CLEC2A: variants seen among roughly 807,000 people sequenced by gnomAD.
CLEC2A encodes the protein C-type lectin domain family 2 member A, also known as keratinocyte-associated C-type lectin.
Under a neutral mutation model 18.6 loss-of-function variants are expected in CLEC2A, and 19 were observed. That is an observed-to-expected ratio of 1.02 (90% CI 0.71 to 1.50). The LOEUF (loss-of-function observed/expected upper bound fraction) is 1.50, where lower values mean the gene tolerates loss of function less well. Ranked by LOEUF, CLEC2A falls within the 40% of genes most tolerant of loss-of-function variation. CLEC2A has a pLI of 0.00. For missense variants in CLEC2A, 190 were observed against 207.9 expected (o/e 0.91, Z 0.53); for synonymous variants, 74 against 64.0 (o/e 1.16, Z -0.75).
chr12:9,895,820 C>A (rs1591780863), downstream of CLEC2A: 4 of 1,532,460 alleles, frequency 2.6e-6, no homozygotes, highest in Admixed American at 2.0e-5. Flanking sequence ...CACAATGGAA[C>A]CAGTGGTGTG....
downstream of CLEC2A, among the ~76,000 whole-genome samples, chr12:9,910,255 G>A (rs1216945076): frequency 1.3e-5 from 2 of 152,080 alleles, no homozygotes. Flanking sequence ...TAATCCCTAG[G>A]CAACTATCAG....
At chr12:9,900,124 T>C (rs1188696220) in intron 4 of CLEC2A, among the ~76,000 whole-genome samples, 8 of 152,166 alleles carry the variant, frequency 5.3e-5, no homozygotes, top group Admixed American at 5.2e-4. Context: ...TTAGCTCCCT[T>C]TGTCTTACTT....
intron 2 of CLEC2A, among the ~76,000 whole-genome samples, chr12:9,923,197 A>G (rs1446842540): frequency 6.6e-6 from 1 of 152,216 alleles, no homozygotes; most frequent in Non-Finnish European, 1.5e-5. Context: ...ACAAAGGACT[A>G]ATATCCAGAA....
intron 3 of CLEC2A, among the ~76,000 whole-genome samples, chr12:9,919,920 A>G (rs1431463853): frequency 6.6e-6 from 1 of 152,126 alleles, no homozygotes; most frequent in Non-Finnish European, 1.5e-5. Context: ...GAGGAATGGG[A>G]TTGGGTACCC....
the CLEC2A span, among the ~76,000 whole-genome samples, chr12:9,890,149 T>C: frequency 6.6e-6 from 1 of 152,198 alleles, no homozygotes; most frequent in African/African-American, 2.4e-5. Flanking sequence ...ATTTAAATAC[T>C]TCAATATGTG....
downstream of CLEC2A, among the ~76,000 whole-genome samples, chr12:9,894,054 CTCTTTCTCTTTTT>C (rs1246449973): frequency 6.6e-6 from 1 of 151,390 alleles, no homozygotes; most frequent in Non-Finnish European, 1.5e-5. Flanking sequence ...TTCTTTCTTT[CTCTTTCTCTTTTT>C]TCTTTCTCTT....
At chr12:9,912,606 A>G (rs1303164841), downstream of CLEC2A, among the ~76,000 whole-genome samples, 1 of 151,964 alleles carries the variant, frequency 6.6e-6, no homozygotes, top group Non-Finnish European at 1.5e-5. Flanking sequence ...TGTCCATAAA[A>G]ATCTATGCTC....
Position 9,916,745 on chromosome 12 carries a change from T to C in CLEC2A, c.365A>G (p.Gln122Arg), listed in dbSNP as rs927582082. 3 of 1,551,412 alleles carry C rather than the reference T, an allele frequency of 1.9e-6. No individual in the cohort carries two copies. The highest frequency in any genetic ancestry group is 2.4e-5 in the East Asian group (1 of 40,882). Reference sequence around the variant, plus strand: ...ATTTGTCCATTTCCAAGAATCTCCTTGTTTCCTGCTTAGTCCAATCCAGTG... The same window carrying C: ...ATTTGTCCATTTCCAAGAATCTCCTCGTTTCCTGCTTAGTCCAATCCAGTG... ...DMHWIGLSRK[Q>R]GDSWKWTNGT... The change falls in exon 4 of 5, where the codon CAA (glutamine) becomes CGA (arginine). Residue 122 changes from glutamine (Q) to arginine (R), a missense_variant. Gln to Arg is a conservative substitution (Grantham distance 43). Coordinates refer to ENST00000455827, the MANE Select transcript of CLEC2A (RefSeq NM_001130711.2).
At chr12:9,897,753 G>A (rs1862772898), downstream of CLEC2A, among the ~76,000 whole-genome samples, 1 of 152,094 alleles carries the variant, frequency 6.6e-6, no homozygotes, top group African/African-American at 2.4e-5. Context: ...GACCAGACAA[G>A]GCCTTGGGTA....
At chr12:9,915,550 G>A (rs1863057548) in intron 4 of CLEC2A, among the ~76,000 whole-genome samples, 1 of 152,138 alleles carries the variant, frequency 6.6e-6, no homozygotes. Context: ...CATGTTCTTT[G>A]CAGGGACATG....
At chr12:9,877,940 C>G in the CLEC2A span, among the ~76,000 whole-genome samples, 24 of 152,164 alleles carry the variant, frequency 1.6e-4, 2 homozygotes. Context: ...CATATACAGT[C>G]AGTGTATCCA....
At chr12:9,921,797 T>C (rs1043908143) in intron 3 of CLEC2A, among the ~76,000 whole-genome samples, 12 of 152,190 alleles carry the variant, frequency 7.9e-5, no homozygotes, top group Admixed American at 6.5e-5. Flanking sequence ...ATCTATTTAC[T>C]ATTCATTAAG....
chr12:9,893,655 AT>A, the CLEC2A span: 33 of 432,530 alleles, frequency 7.6e-5, no homozygotes, highest in Non-Finnish European at 9.1e-5. Context: ...TTATCTTTAC[AT>A]TTTTTTCTAC....
chr12:9,916,085 A>T lies in CLEC2A; in HGVS notation c.410+615T>A, dbSNP rs182034803. Among the ~76,000 whole-genome samples, 159 of 151,678 alleles carry T rather than the reference A, an allele frequency of 1.0e-3. No individual in the cohort carries two copies. The East Asian group carries it at 0.028, about 26-fold the overall frequency. ...GCTAAATAAAAAATAAACAAAAATT[A>T]AAAAAATAAATATAATATTGCTTAT... On this transcript the variant is annotated intron_variant, in intron 4 of 4. Coordinates refer to ENST00000455827, the MANE Select transcript of CLEC2A (RefSeq NM_001130711.2).
In CLEC2A at chr12:9,922,353, C is replaced by A. The variant is rs552624256; in HGVS notation, c.140-121G>T. 1.8e-5 allele frequency: 12 copies of A among 675,698 alleles called. No homozygotes were observed. In the Admixed American group the frequency reaches 1.8e-4, roughly 10 times the overall value. The allele number at this position is 675,698 out of a possible 1,614,324, so 41.9% of individuals were successfully genotyped here. ...TTGAGGCCCGTAAGTTAGCTTCCCC[C>A]CTCCCCAGAATGAGGATGAATTAAC... On this transcript the variant is annotated intron_variant, in intron 2 of 4. Transcript: ENST00000455827.
chr12:9,923,765 C>A (rs1863214758), intron 2 of CLEC2A, among the ~76,000 whole-genome samples: 1 of 152,132 alleles, frequency 6.6e-6, no homozygotes, highest in African/African-American at 2.4e-5. Flanking sequence ...AGGATGAGTT[C>A]ATGTCCTTTG....
the CLEC2A span, chr12:9,881,484 C>T: frequency 4.0e-6 from 3 of 754,006 alleles, no homozygotes; most frequent in Non-Finnish European, 6.4e-6. Context: ...TTTGGCCTTC[C>T]TTTTAGTTTT....
At chr12:9,899,732 T>C (rs934711184) in intron 4 of CLEC2A, among the ~76,000 whole-genome samples, 2 of 152,110 alleles carry the variant, frequency 1.3e-5, no homozygotes, top group Non-Finnish European at 2.9e-5. Context: ...AGCCTTGGAG[T>C]TCCCTAGACC....
At chr12:9,912,077 T>C (rs910775729), downstream of CLEC2A, among the ~76,000 whole-genome samples, 10 of 150,672 alleles carry the variant, frequency 6.6e-5, no homozygotes, top group African/African-American at 2.5e-4. Flanking sequence ...AAAAATGTCC[T>C]CTAAAAGGAA....
Sources: gnomAD v4.1 joint callset for allele counts (sites outside exome capture counted in the v4.1 genomes callset) on GRCh38, gnomAD v4.1.1 for gene constraint, MANE v1.5 for transcripts, NCBI Gene and HGNC (gene_info 2026-07-23, HGNC 2026-07-21) for gene names.